GSG1L: variants seen among roughly 807,000 people sequenced by gnomAD.
The protein encoded by GSG1L is germ cell-specific gene 1-like protein.
In GSG1L, 24 loss-of-function variants were observed where a neutral mutation model predicts 42.1. That is an observed-to-expected ratio of 0.57 (90% CI 0.41 to 0.80). The LOEUF is 0.80. Among genes scored for constraint, GSG1L ranks in the 30% least tolerant of loss-of-function variants. GSG1L has a pLI of 0.00. For missense variants in GSG1L, 445 were observed against 472.2 expected, an observed-to-expected ratio of 0.94 and a Z score of 0.53; for synonymous variants, 215 against 203.5, an observed-to-expected ratio of 1.06 and a Z score of -0.48.
At chr16:28,016,988 C>T (rs2085788387) in intron 1 of GSG1L, among the ~76,000 whole-genome samples, 1 of 152,210 alleles carries the variant, frequency 6.6e-6, no homozygotes, top group Admixed American at 6.5e-5. Context: ...ATACAAAACG[C>T]AGAGGCAGAG....
At chr16:27,880,797 G>A (rs1036974621) in intron 3 of GSG1L, among the ~76,000 whole-genome samples, 1 of 152,088 alleles carries the variant, frequency 6.6e-6, no homozygotes, top group African/African-American at 2.4e-5. Flanking sequence ...CAGGTTGGGG[G>A]AAGAGCTACA....
chr16:27,814,196 C>G (rs185395885), intron 5 of GSG1L, among the ~76,000 whole-genome samples: 10 of 152,292 alleles, frequency 6.6e-5, no homozygotes, highest in Non-Finnish European at 1.3e-4. Flanking sequence ...ACTGTAACCT[C>G]GACCTTCTGG....
intron 6 of GSG1L, among the ~76,000 whole-genome samples, chr16:27,793,815 A>G (rs1174531399): frequency 6.6e-6 from 1 of 152,158 alleles, no homozygotes; most frequent in Non-Finnish European, 1.5e-5. Flanking sequence ...GTGTATACAG[A>G]GGAGAACACT....
intron 1 of GSG1L, among the ~76,000 whole-genome samples, chr16:27,977,250 G>C (rs77884620): frequency 0.15 from 22,155 of 152,120 alleles, 1,805 homozygotes; most frequent in South Asian, 0.25. Flanking sequence ...TCTGTCCAAG[G>C]CTCTGTTATC....
chr16:27,830,855 T>C (rs2083267895), intron 4 of GSG1L, among the ~76,000 whole-genome samples: 1 of 152,240 alleles, frequency 6.6e-6, no homozygotes, highest in African/African-American at 2.4e-5. Flanking sequence ...TTTTTCTGGA[T>C]TCCATGAGTA....
At chr16:27,983,918 A>T (rs1288180165) in intron 1 of GSG1L, among the ~76,000 whole-genome samples, 1 of 151,918 alleles carries the variant, frequency 6.6e-6, no homozygotes, top group African/African-American at 2.4e-5. Context: ...ACAATGTTTG[A>T]CTCCCGCAGC....
chr16:27,799,937 T>C (rs1002712433), intron 6 of GSG1L, among the ~76,000 whole-genome samples: 3 of 152,160 alleles, frequency 2.0e-5, no homozygotes, highest in Non-Finnish European at 4.4e-5. Flanking sequence ...ATTTGGTCTG[T>C]AGATCAGCAG....
chr16:27,969,546 G>A (rs1567539193), intron 1 of GSG1L, among the ~76,000 whole-genome samples: 1 of 152,130 alleles, frequency 6.6e-6, no homozygotes, highest in Non-Finnish European at 1.5e-5. Context: ...AACCATCTTT[G>A]TAGCCTATGT....
intron 1 of GSG1L, among the ~76,000 whole-genome samples, chr16:27,979,688 AAGG>A (rs1567542846): frequency 1.8e-4 from 5 of 27,766 alleles, no homozygotes; most frequent in African/African-American, 3.9e-4. Context: ...AGAAAGAAAG[AAGG>A]AAGGAAGGAA....
chr16:27,796,451 T>C (rs142450452), intron 6 of GSG1L, among the ~76,000 whole-genome samples: 1 of 152,378 alleles, frequency 6.6e-6, no homozygotes, highest in African/African-American at 2.4e-5. Context: ...ATCTGTTTAC[T>C]GGTTTTCTCC....
intron 1 of GSG1L, among the ~76,000 whole-genome samples, chr16:27,995,087 C>T (rs1005523443): frequency 6.6e-6 from 1 of 152,186 alleles, no homozygotes; most frequent in Non-Finnish European, 1.5e-5. Flanking sequence ...CAGGGGACCA[C>T]CACGCATCCC....
At chr16:27,907,150 G>A (rs938874694) in intron 2 of GSG1L, among the ~76,000 whole-genome samples, 4 of 152,196 alleles carry the variant, frequency 2.6e-5, no homozygotes, top group African/African-American at 9.7e-5. Flanking sequence ...TGAAGAGGCG[G>A]TCCCTTTCCA....
intron 3 of GSG1L, among the ~76,000 whole-genome samples, chr16:27,851,615 T>C (rs554859954): frequency 2.0e-5 from 3 of 152,220 alleles, no homozygotes; most frequent in East Asian, 3.9e-4. Context: ...GAAATAGTCT[T>C]TTCTGAGAGT....
chr16:27,964,107 G>A (rs1354964943), intron 1 of GSG1L, among the ~76,000 whole-genome samples: 3 of 151,996 alleles, frequency 2.0e-5, no homozygotes, highest in Non-Finnish European at 4.4e-5. Flanking sequence ...CGAGGCGGGC[G>A]GATCATGAGG....
intron 1 of GSG1L, among the ~76,000 whole-genome samples, chr16:28,002,066 C>T (rs762301029): frequency 9.9e-5 from 15 of 152,188 alleles, no homozygotes; most frequent in African/African-American, 3.4e-4. Flanking sequence ...GCACCTACTA[C>T]GCGCCAGGCT....
At chr16:27,951,265 G>T (rs1044607766) in intron 2 of GSG1L, among the ~76,000 whole-genome samples, 2 of 152,194 alleles carry the variant, frequency 1.3e-5, no homozygotes, top group African/African-American at 4.8e-5. Context: ...CCATTCAGAT[G>T]GTGGACAGTT....
At chr16:27,939,775 T>C (rs1257039531) in intron 2 of GSG1L, among the ~76,000 whole-genome samples, 1 of 152,208 alleles carries the variant, frequency 6.6e-6, no homozygotes, top group Non-Finnish European at 1.5e-5. Context: ...AGAGACTTCA[T>C]GCATCACCAA....
intron 1 of GSG1L, among the ~76,000 whole-genome samples, chr16:28,004,606 C>A (rs1453212442): frequency 6.6e-6 from 1 of 151,616 alleles, no homozygotes; most frequent in Non-Finnish European, 1.5e-5. Context: ...AGAATGAGAC[C>A]CCATCTCTAC....
At chr16:27,813,139 A>G (rs2083052754) in intron 5 of GSG1L, among the ~76,000 whole-genome samples, 1 of 152,154 alleles carries the variant, frequency 6.6e-6, no homozygotes, top group Non-Finnish European at 1.5e-5. Context: ...GGTTTGTTAC[A>G]GAGGTAAATT....
Sources: gnomAD v4.1 joint callset for allele counts (sites outside exome capture counted in the v4.1 genomes callset) on GRCh38, gnomAD v4.1.1 for gene constraint, MANE v1.5 for transcripts, NCBI Gene and HGNC (gene_info 2026-07-23, HGNC 2026-07-21) for gene names.